The following INPP5F variants were observed in gnomAD, a reference collection of about 807,000 sequenced individuals.
The protein encoded by INPP5F is inositol polyphosphate-5-phosphatase F, also known as phosphatidylinositide 4-phosphatase SAC2.
Under a neutral mutation model 137.2 loss-of-function variants are expected in INPP5F, and 97 were observed. The observed-to-expected ratio is 0.71, with a 90% CI of 0.60 to 0.84. The LOEUF (loss-of-function observed/expected upper bound fraction) is 0.84. Ranked by LOEUF, INPP5F falls within the 40% of genes least tolerant of loss-of-function variation. The pLI is 0.00. For synonymous variants in INPP5F, 504 were observed against 476.9 expected (o/e 1.06, Z -0.74); for missense variants, 1,271 against 1,371.9 (o/e 0.93, Z 1.16).
intron 16 of INPP5F, 73 bp from the exon 17 acceptor site, chr10:119,822,358 A>C: frequency 1.4e-6 from 1 of 716,254 alleles, no homozygotes; most frequent in Admixed American, 2.8e-5. Context: ...GTTTGCAGCT[A>C]TTATGCCTTC....
intron 10 of INPP5F, among the ~76,000 whole-genome samples, chr10:119,804,684 A>G (rs1297584093): frequency 2.0e-5 from 3 of 150,848 alleles, no homozygotes; most frequent in African/African-American, 7.3e-5. Flanking sequence ...TTCTTTCTCG[A>G]TGGGTAAACT....
At chr10:119,742,726 C>T (rs1478115608) in intron 1 of INPP5F, among the ~76,000 whole-genome samples, 1 of 152,080 alleles carries the variant, frequency 6.6e-6, no homozygotes, top group African/African-American at 2.4e-5. Context: ...GGTGCGGTAG[C>T]TCACGCCTGT....
At chr10:119,799,724 ATATC>A (rs1205962466) in intron 9 of INPP5F, among the ~76,000 whole-genome samples, 1 of 152,194 alleles carries the variant, frequency 6.6e-6, no homozygotes, top group African/African-American at 2.4e-5. Flanking sequence ...TTAATTTTTG[ATATC>A]TATCCTATAT....
At chr10:119,812,462 A>G (rs1452475798) in intron 15 of INPP5F, among the ~76,000 whole-genome samples, 1 of 151,390 alleles carries the variant, frequency 6.6e-6, no homozygotes, top group Non-Finnish European at 1.5e-5. Context: ...TATCCACTAG[A>G]TTGAATGCTT....
chr10:119,732,356 A>T (rs1285782022), intron 1 of INPP5F, among the ~76,000 whole-genome samples: 1 of 151,962 alleles, frequency 6.6e-6, no homozygotes, highest in Non-Finnish European at 1.5e-5. Flanking sequence ...AGTCTTTCTA[A>T]GGTGACTGAC....
At chr10:119,770,575 G>T (rs1347757389) in intron 2 of INPP5F, among the ~76,000 whole-genome samples, 2 of 152,174 alleles carry the variant, frequency 1.3e-5, no homozygotes, top group African/African-American at 4.8e-5. Context: ...GGCAGTGGTG[G>T]TGTATTTTGT....
At chr10:119,824,004 A>G in intron 19 of INPP5F, 102 bp downstream of exon 19, 1 of 788,204 alleles carries the variant, frequency 1.3e-6, no homozygotes, top group Admixed American at 2.4e-5. Flanking sequence ...ACATTATGGT[A>G]AGGTGTTGGT....
intron 3 of INPP5F, among the ~76,000 whole-genome samples, chr10:119,790,846 T>C (rs888480326): frequency 1.3e-5 from 2 of 152,154 alleles, no homozygotes; most frequent in African/African-American, 4.8e-5. Context: ...TTCTGTGCCT[T>C]CTCTTCTCTT....
At chr10:119,736,383 C>G (rs1163212821) in intron 1 of INPP5F, among the ~76,000 whole-genome samples, 7 of 152,136 alleles carry the variant, frequency 4.6e-5, no homozygotes, top group Admixed American at 4.6e-4. Flanking sequence ...CCAGGTTAGT[C>G]TTGAACTTCT....
At chr10:119,773,290 C>T (rs186148697) in intron 2 of INPP5F, among the ~76,000 whole-genome samples, 1 of 152,274 alleles carries the variant, frequency 6.6e-6, no homozygotes, top group Admixed American at 6.5e-5. Context: ...CTCCTGGACT[C>T]AAGCAGTCCA....
intron 3 of INPP5F, among the ~76,000 whole-genome samples, chr10:119,786,579 C>T (rs1055100708): frequency 1.3e-5 from 2 of 152,204 alleles, no homozygotes; most frequent in African/African-American, 4.8e-5. Context: ...GAGACAGGGT[C>T]TTGCTCTGTC....
At chr10:119,808,210 A>G in intron 13 of INPP5F, 150 bp downstream of exon 13, 1 of 870,062 alleles carries the variant, frequency 1.1e-6, no homozygotes. Context: ...GGGCCAGGTA[A>G]TGTGACTCAA....
At chr10:119,819,316 G>GA (rs1589754764) in intron 15 of INPP5F, 2 of 476,976 alleles carry the variant, frequency 4.2e-6, no homozygotes, top group East Asian at 1.0e-4. Context: ...TGGGGGTGGG[G>GA]GGAGGGTTGA....
chr10:119,800,491 C>T (rs1390130290), intron 9 of INPP5F, among the ~76,000 whole-genome samples: 2 of 149,118 alleles, frequency 1.3e-5, no homozygotes, highest in African/African-American at 4.9e-5. Context: ...ACCCAGGAGG[C>T]AGAGGTTGCA....
chr10:119,770,884 A>G (rs974874740), intron 2 of INPP5F, among the ~76,000 whole-genome samples: 1 of 152,154 alleles, frequency 6.6e-6, no homozygotes, highest in Non-Finnish European at 1.5e-5. Context: ...GACTCCTAAC[A>G]AGTTCTTTTG....
intron 1 of INPP5F, 151 bp from the exon 2 acceptor site, chr10:119,750,925 G>T: frequency 3.2e-6 from 2 of 631,110 alleles, no homozygotes; most frequent in South Asian, 1.9e-5. Flanking sequence ...TTAATACTTT[G>T]TCACAAATTG....
In INPP5F at chr10:119,733,738, G is replaced by A. The variant is rs117259872; in HGVS notation, c.97+7379G>A. On this transcript the variant is annotated intron_variant, in intron 1 of 19. Coordinates refer to ENST00000650623, the MANE Select transcript of INPP5F (RefSeq NM_014937.4). ...GTATCAAGTTTTTTTAGAGTAGACC[G>A]TGAAGGTGCCAGAAACTAAGGTGCA... 4.5e-3 allele frequency among the ~76,000 whole-genome samples: 680 copies of A among 152,300 alleles called. 36 individuals carry two copies. The South Asian group carries it at 0.11, about 24-fold the overall frequency.
At chr10:119,755,209 C>A (rs573814979) in intron 2 of INPP5F, among the ~76,000 whole-genome samples, 1 of 152,304 alleles carries the variant, frequency 6.6e-6, no homozygotes, top group South Asian at 2.1e-4. Flanking sequence ...AAAGTGCCAC[C>A]AGCTGGGTGG....
At chr10:119,794,921 C>T (rs1850295536) in intron 6 of INPP5F, among the ~76,000 whole-genome samples, 1 of 131,108 alleles carries the variant, frequency 7.6e-6, no homozygotes, top group Admixed American at 7.1e-5. Context: ...ACCTCCCTCC[C>T]GGATGGGGCG....
Sources: gnomAD v4.1 joint callset for allele counts (sites outside exome capture counted in the v4.1 genomes callset) on GRCh38, gnomAD v4.1.1 for gene constraint, MANE v1.5 for transcripts, NCBI Gene and HGNC (gene_info 2026-07-23, HGNC 2026-07-21) for gene names.